Variants in BIN1 observed in about 807,000 individuals in gnomAD.
BIN1 encodes the protein myc box-dependent-interacting protein 1.
In BIN1, 53 loss-of-function variants were observed where a neutral mutation model predicts 82.0. That is an observed-to-expected ratio of 0.65 (90% confidence interval 0.52 to 0.81). BIN1 has a LOEUF of 0.81. BIN1 is among the 40% of genes least tolerant of loss of function. The pLI, the probability that BIN1 is intolerant of heterozygous loss-of-function variation, is 0.00. For synonymous variants in BIN1, 302 were observed against 328.0 expected (o/e 0.92, Z 0.86); for missense variants, 642 against 784.4 (o/e 0.82, Z 2.17).
At chr2:127,075,166 T>C (rs10165403) in intron 2 of BIN1, among the ~76,000 whole-genome samples, 2,460 of 152,328 alleles carry the variant, frequency 0.016, 75 homozygotes, top group African/African-American at 0.057. Context: ...ACCAGCTACA[T>C]AGCCTTGGAA....
Position 127,068,106 on chromosome 2 carries a change from GGACAGGAC to G in BIN1, c.612+49_612+56del. On this transcript the variant is annotated intron_variant, in intron 7 of 18. Transcript: ENST00000316724. This position sits in a 1 kb window ranked among gnomAD's most constrained non-coding sequence, Gnocchi z 4.9. ...CCCTGCATTCCACCGCAGGGCGAGA[GGACAGGAC>G]GACAGACCGGAAGGCGCCAGCACGT... is the stretch of plus-strand genomic sequence containing the variant. The G allele has an allele frequency of 6.5e-7, 1 of 1,547,124 alleles. No homozygotes were observed. Among genetic ancestry groups the G allele is most frequent in the South Asian group, 1.2e-5 (1 of 86,586 alleles).
At position 127,059,579 on chromosome 2, in the gene BIN1, C is replaced by T. The variant is rs1168759426; in HGVS notation, c.858-424G>A. ...GGCACAGTGAGTCTCCCACACCACA[C>T]GCAGCAGCCCCTCTGTTCTGGGGTC... On this transcript the variant is annotated intron_variant, in intron 10 of 18. Transcript: ENST00000316724. The surrounding 1 kb of genome is among the most constrained non-coding windows in gnomAD (Gnocchi z 6.7). Among the ~76,000 whole-genome samples, 1 of 152,132 alleles carries T rather than the reference C, an allele frequency of 6.6e-6. No individual in the cohort carries two copies. Among genetic ancestry groups the T allele is most frequent in the Admixed American group, 6.5e-5 (1 of 15,280 alleles).
At chr2:127,069,920 G>A (rs1250551914) in intron 5 of BIN1, 75 bp downstream of exon 5, 14 of 1,489,194 alleles carry the variant, frequency 9.4e-6, no homozygotes, top group African/African-American at 1.4e-5. Flanking sequence ...GGCCTGAGCC[G>A]CACGTCCTAG....
intron 12 of BIN1, among the ~76,000 whole-genome samples, chr2:127,056,711 C>T (rs981446851): frequency 1.3e-5 from 2 of 152,182 alleles, no homozygotes; most frequent in East Asian, 1.9e-4. Context: ...TCGGGGAGTG[C>T]GGGGAAGGCC....
intron 2 of BIN1, among the ~76,000 whole-genome samples, chr2:127,072,225 A>C (rs752780): frequency 0.52 from 79,632 of 152,078 alleles, 20,931 homozygotes; most frequent in South Asian, 0.65. Context: ...ACCCGGCCAC[A>C]TCCACAGGCT....
chr2:127,091,952 G>A (rs1482916950), intron 1 of BIN1, among the ~76,000 whole-genome samples: 1 of 148,976 alleles, frequency 6.7e-6, no homozygotes, highest in Non-Finnish European at 1.5e-5. Flanking sequence ...CGGAGAGCCA[G>A]AGGGGACAAG....
chr2:127,082,397 G>A lies in BIN1; in HGVS notation c.85-5691C>T, dbSNP rs1461054355. 6.6e-6 allele frequency among the ~76,000 whole-genome samples: 1 copy of A among 152,200 alleles called. No homozygotes were observed. Among genetic ancestry groups the A allele is most frequent in the Non-Finnish European group, 1.5e-5 (1 of 68,032 alleles). ...AGGCCTCCGTGGTCACAAGCTCTGA[G>A]GCCTTGCAGGCACTCAGCTGGGGAT... On this transcript the variant is annotated intron_variant, in intron 1 of 18. Transcript: ENST00000316724. This position sits in a 1 kb window ranked among gnomAD's most constrained non-coding sequence, Gnocchi z 6.1.
chr2:127,096,746 G>A (rs1486962564), intron 1 of BIN1, among the ~76,000 whole-genome samples: 2 of 152,314 alleles, frequency 1.3e-5, no homozygotes, highest in Non-Finnish European at 2.9e-5. Flanking sequence ...ATGGATAGGA[G>A]GCCAAAGACC....
At position 127,097,897 on chromosome 2, in the gene BIN1, C is replaced by T. The variant is rs189111887; in HGVS notation, c.84+8963G>A. On this transcript the variant is annotated intron_variant, in intron 1 of 18. Transcript: ENST00000316724. Reference sequence around the variant, plus strand: ...TTCCCGCTGCCATCCAAGCATCTCTCCCCACACTACCACCTGCCTCCTTTG... The same window carrying T: ...TTCCCGCTGCCATCCAAGCATCTCTTCCCACACTACCACCTGCCTCCTTTG... Among the ~76,000 whole-genome samples, 174 of 152,334 alleles carry T rather than the reference C, an allele frequency of 1.1e-3. 1 individual carries two copies. Among genetic ancestry groups the T allele is most frequent in the African/African-American group, 4.0e-3 (167 of 41,582 alleles).
rs555116802 is a variant in BIN1 at position 127,057,446 on chromosome 2, AGCTGGGCCGCGGCGGCCGCG to A, written c.1131+7_1131+26del. On this transcript the variant is annotated splice_region_variant and intron_variant, in intron 12 of 18. Coordinates refer to ENST00000316724, the MANE Select transcript of BIN1 (RefSeq NM_139343.3). This position sits in a 1 kb window ranked among gnomAD's most constrained non-coding sequence, Gnocchi z 5.0. ...CCCTGAGAGGGCAGGAAGAGAGGAG[AGCTGGGCCGCGGCGGCCGCG>A]GCTGACCTGGGAGGGGGTGGTCACG... The A allele has an allele frequency of 2.0e-5, 30 of 1,538,194 alleles. No individual in the cohort carries two copies. In the East Asian group the frequency reaches 6.7e-4, roughly 34 times the overall value.
chr2:127,091,704 T>G (rs1262546955), intron 1 of BIN1, among the ~76,000 whole-genome samples: 1 of 151,028 alleles, frequency 6.6e-6, no homozygotes, highest in Non-Finnish European at 1.5e-5. Context: ...GCCTGGGCAA[T>G]GTAAGGAGAC....
intron 1 of BIN1, among the ~76,000 whole-genome samples, chr2:127,081,217 G>A (rs1687256607): frequency 6.6e-6 from 1 of 152,218 alleles, no homozygotes; most frequent in African/African-American, 2.4e-5. Context: ...GTTTGAGCCA[G>A]GAGCAGCTCA....
Position 127,088,193 on chromosome 2 carries a change from T to C in BIN1, c.85-11487A>G, listed in dbSNP as rs139457093. On this transcript the variant is annotated intron_variant, in intron 1 of 18. Transcript: ENST00000316724. ...GGGATCTTCTCATAACTCAGTTCCTTGAGAGGGGTGCCAAGAGCAGGACAG... is the reference window on the plus strand; with the variant it reads ...GGGATCTTCTCATAACTCAGTTCCTCGAGAGGGGTGCCAAGAGCAGGACAG... Among the ~76,000 whole-genome samples the C allele has an allele frequency of 8.4e-3, 1,277 of 152,230 alleles. 8 individuals are homozygous for C. Among genetic ancestry groups the C allele is most frequent in the Non-Finnish European group, 0.014 (928 of 68,026 alleles).
rs995711961 is a variant in BIN1, at chr2:127,106,869, C to A, written c.75G>T (p.Ala25=). The A allele has an allele frequency of 3.1e-6, 5 of 1,609,362 alleles. No individual in the cohort carries two copies. The highest frequency in any genetic ancestry group is 1.1e-5 in the South Asian group (1 of 90,258). Residue 25 remains alanine, a synonymous_variant, in exon 1 of 19, where the codon GCG becomes GCT. Coordinates refer to ENST00000316724, the MANE Select transcript of BIN1 (RefSeq NM_139343.3). ...GCTCCGGCTCGCTCACCTTCTCCTG[C>A]GCGCGGGTGAGCTTCTTCTGCACGT... The part of the protein sequence containing the change: ...ASNVQKKLTR[A]QEKVLQKLGK...
intron 1 of BIN1, among the ~76,000 whole-genome samples, chr2:127,080,655 T>C (rs1687170224): frequency 6.6e-6 from 1 of 151,664 alleles, no homozygotes; most frequent in Non-Finnish European, 1.5e-5. Flanking sequence ...AGGAGCTTTA[T>C]CAGTGCCACA....
chr2:127,068,342 T>C lies in BIN1; in HGVS notation c.520-87A>G, dbSNP rs1379101117. ...CAGAGACACACAGATTAAATGCAGGTCCACACGCCCCACGCGCGGGGGCCA... is the reference window on the plus strand; with the variant it reads ...CAGAGACACACAGATTAAATGCAGGCCCACACGCCCCACGCGCGGGGGCCA... On this transcript the variant is annotated intron_variant, in intron 6 of 18. Coordinates refer to ENST00000316724, the MANE Select transcript of BIN1 (RefSeq NM_139343.3). The surrounding 1 kb of genome is among the most constrained non-coding windows in gnomAD (Gnocchi z 4.9). 3.5e-6 allele frequency: 4 copies of C among 1,132,192 alleles called. No individual in the cohort carries two copies. Among genetic ancestry groups the C allele is most frequent in the African/African-American group, 1.6e-5 (1 of 64,444 alleles). The allele number at this position is 1,132,192 out of a possible 1,614,324, so 70.1% of individuals were successfully genotyped here.
chr2:127,102,377 C>A (rs1336088900), intron 1 of BIN1, among the ~76,000 whole-genome samples: 1 of 152,216 alleles, frequency 6.6e-6, no homozygotes, highest in African/African-American at 2.4e-5. Context: ...CAAGCCTCAG[C>A]TTCTCCAAGA....
At chr2:127,095,916 T>C (rs1439766789) in intron 1 of BIN1, among the ~76,000 whole-genome samples, 1 of 152,202 alleles carries the variant, frequency 6.6e-6, no homozygotes, top group Non-Finnish European at 1.5e-5. Context: ...GCTGCTGCCA[T>C]TCTCACTTAC....
At position 127,085,038 on chromosome 2, in the gene BIN1, G is replaced by A. The variant is rs531028672; in HGVS notation, c.85-8332C>T. On this transcript the variant is annotated intron_variant, in intron 1 of 18. Transcript: ENST00000316724. ...AGGCCTTGTTCTCCCTCCATCCCCC[G>A]CCCCGCCCCACCCCAGAGCTGCTGC... Among the ~76,000 whole-genome samples, 71 of 143,686 alleles carry A rather than the reference G, an allele frequency of 4.9e-4. No homozygotes were observed. In the South Asian group the frequency reaches 0.017, roughly 35 times the overall value. 94.3% of individuals were successfully genotyped at this position (143,686 alleles called of 152,430 possible). A position where few individuals can be genotyped will look rare whatever the true frequency, so the allele number is the denominator to read the frequency against.
Sources: gnomAD v4.1 joint callset for allele counts (sites outside exome capture counted in the v4.1 genomes callset) on GRCh38, gnomAD v4.1.1 for gene constraint, Gnocchi (gnomAD v3.1) non-coding constraint, MANE v1.5 for transcripts, NCBI Gene and HGNC (gene_info 2026-07-23, HGNC 2026-07-21) for gene names.